MNAT1: variants seen among roughly 807,000 people sequenced by gnomAD.
MNAT1 encodes MNAT1 component of CDK activating kinase.
A neutral mutation model predicts 42.0 loss-of-function variants in MNAT1; 43 were observed. The observed-to-expected ratio is 1.02, with a 90% CI of 0.80 to 1.32. The LOEUF is 1.32. Ranked by LOEUF, MNAT1 falls within the 40% of genes most tolerant of loss-of-function variation. The pLI is 0.00. For missense variants in MNAT1, 306 were observed against 350.4 expected (o/e 0.87, Z 1.01); for synonymous variants, 118 against 120.0 (o/e 0.98, Z 0.11).
intron 7 of MNAT1, among the ~76,000 whole-genome samples, chr14:60,918,168 C>T (rs2035569605): frequency 6.9e-6 from 1 of 144,610 alleles, no homozygotes; most frequent in African/African-American, 2.5e-5. Flanking sequence ...TTGTGAACAC[C>T]AGTTAGAAGG....
At position 60,903,865 on chromosome 14, in the gene MNAT1, G is replaced by GTTT. The variant is rs35825181; in HGVS notation, c.809+24049_809+24051dup. On this transcript the variant is annotated intron_variant, in intron 7 of 7. Coordinates refer to ENST00000261245, the MANE Select transcript of MNAT1 (RefSeq NM_002431.4). The stretch of plus-strand genomic sequence containing the variant: ...TTTGTTTTTGATGCTACCCATGTAA[G>GTTT]TTTTTTTTTTTTTTTTTTTTTCTTT... Among the ~76,000 whole-genome samples, 105 of 115,730 alleles carry GTTT rather than the reference G, an allele frequency of 9.1e-4. 5 individuals are homozygous for GTTT. Among genetic ancestry groups the GTTT allele is most frequent in the African/African-American group, 1.0e-3 (32 of 30,988 alleles). 75.9% of individuals were successfully genotyped at this position (115,730 alleles called of 152,430 possible).
chr14:60,967,794 G>A (rs1483741114), intron 7 of MNAT1, among the ~76,000 whole-genome samples: 1 of 152,044 alleles, frequency 6.6e-6, no homozygotes, highest in Non-Finnish European at 1.5e-5. Context: ...CATTTGTTTA[G>A]CTATTGAGGG....
chr14:60,924,654 T>C (rs2035729880), intron 7 of MNAT1, among the ~76,000 whole-genome samples: 1 of 152,020 alleles, frequency 6.6e-6, no homozygotes, highest in African/African-American at 2.4e-5. Context: ...CAAAATAAAA[T>C]ACTAAACCCA....
chr14:60,774,305 A>G (rs1030843362), intron 1 of MNAT1, among the ~76,000 whole-genome samples: 3 of 152,152 alleles, frequency 2.0e-5, no homozygotes, highest in Non-Finnish European at 4.4e-5. Flanking sequence ...GGCTGAGAAG[A>G]CAAATGCAGT....
chr14:60,771,686 T>C (rs917637153), intron 1 of MNAT1, among the ~76,000 whole-genome samples: 6 of 152,160 alleles, frequency 3.9e-5, no homozygotes, highest in African/African-American at 1.4e-4. Context: ...CTGAGCACTT[T>C]TCACCCTGCC....
intron 1 of MNAT1, among the ~76,000 whole-genome samples, chr14:60,764,573 GAC>G (rs2030737301): frequency 6.6e-6 from 1 of 152,182 alleles, no homozygotes; most frequent in African/African-American, 2.4e-5. Context: ...GAAGATTTGA[GAC>G]AGATTTAGAT....
At chr14:60,877,055 A>G (rs1414428242) in intron 6 of MNAT1, among the ~76,000 whole-genome samples, 1 of 152,052 alleles carries the variant, frequency 6.6e-6, no homozygotes, top group African/African-American at 2.4e-5. Context: ...CCCACTAGCA[A>G]TGCACAAGAG....
intron 5 of MNAT1, among the ~76,000 whole-genome samples, chr14:60,815,312 T>G (rs1295470191): frequency 6.6e-6 from 1 of 151,830 alleles, no homozygotes; most frequent in Non-Finnish European, 1.5e-5. Flanking sequence ...GCCTCCCTGG[T>G]TCAAGCAATT....
intron 3 of MNAT1, chr14:60,799,318 A>T: frequency 1.0e-6 from 1 of 985,360 alleles, no homozygotes; most frequent in Non-Finnish European, 1.2e-6. Context: ...GTGACAAGGC[A>T]AAGTGGAAAA....
chr14:60,810,573 T>C (rs1011244398), intron 4 of MNAT1, among the ~76,000 whole-genome samples: 2 of 152,160 alleles, frequency 1.3e-5, no homozygotes, highest in African/African-American at 4.8e-5. Context: ...ATTTTCTAAT[T>C]TCCTTTTTGA....
At chr14:60,919,245 C>A (rs2035600458) in intron 7 of MNAT1, 1 of 152,482 alleles carries the variant, frequency 6.6e-6, no homozygotes, top group Non-Finnish European at 1.5e-5. Flanking sequence ...GGGCTCAGCT[C>A]AGATCACTCA....
chr14:60,944,651 T>G (rs957843132), intron 7 of MNAT1, among the ~76,000 whole-genome samples: 12 of 152,228 alleles, frequency 7.9e-5, no homozygotes, highest in Non-Finnish European at 1.5e-4. Flanking sequence ...AGGAAAGGTA[T>G]GTGGCCTGTT....
intron 3 of MNAT1, chr14:60,799,198 C>G (rs565276403): frequency 2.1e-6 from 2 of 953,908 alleles, no homozygotes; most frequent in South Asian, 9.7e-5. Context: ...TCTTTCAGTG[C>G]CATAAGAGCC....
At chr14:60,922,710 A>G (rs1361100313) in intron 7 of MNAT1, among the ~76,000 whole-genome samples, 1 of 152,194 alleles carries the variant, frequency 6.6e-6, no homozygotes, top group Non-Finnish European at 1.5e-5. Flanking sequence ...TCTTAAGGCT[A>G]GGAAATACAG....
At chr14:60,852,148 C>T (rs1414076683) in intron 6 of MNAT1, among the ~76,000 whole-genome samples, 1 of 152,146 alleles carries the variant, frequency 6.6e-6, no homozygotes, top group African/African-American at 2.4e-5. Flanking sequence ...ACACTCCTAC[C>T]AACAGTGTAA....
At chr14:60,932,898 A>C (rs1331954586) in intron 7 of MNAT1, among the ~76,000 whole-genome samples, 2 of 152,104 alleles carry the variant, frequency 1.3e-5, no homozygotes, top group African/African-American at 4.8e-5. Context: ...CTTAAAAACA[A>C]AACTTTGAAG....
At chr14:60,783,796 C>G (rs2031546510) in intron 1 of MNAT1, among the ~76,000 whole-genome samples, 1 of 152,116 alleles carries the variant, frequency 6.6e-6, no homozygotes, top group Non-Finnish European at 1.5e-5. Flanking sequence ...GCCACCGCGC[C>G]CGGCCTTTAG....
intron 7 of MNAT1, among the ~76,000 whole-genome samples, chr14:60,934,836 A>G (rs2035960881): frequency 6.6e-6 from 1 of 152,156 alleles, no homozygotes; most frequent in African/African-American, 2.4e-5. Context: ...TGTGGAAGGC[A>G]ATTTCTCCCA....
intron 7 of MNAT1, among the ~76,000 whole-genome samples, chr14:60,887,022 C>T (rs570465132): frequency 2.0e-5 from 3 of 152,184 alleles, no homozygotes; most frequent in Non-Finnish European, 2.9e-5. Context: ...CAATTTTGTT[C>T]AGGACATTTT....
Sources: gnomAD v4.1 joint callset for allele counts (sites outside exome capture counted in the v4.1 genomes callset) on GRCh38, gnomAD v4.1.1 for gene constraint, MANE v1.5 for transcripts, NCBI Gene and HGNC (gene_info 2026-07-23, HGNC 2026-07-21) for gene names.